FTO: variants seen among roughly 807,000 people sequenced by gnomAD.
FTO encodes the protein alpha-ketoglutarate-dependent dioxygenase FTO.
Under a neutral mutation model 63.9 loss-of-function variants are expected in FTO, and 47 were observed. The ratio of observed to expected loss-of-function variants is 0.74; its 90% CI spans 0.58 to 0.94. The LOEUF (loss-of-function observed/expected upper bound fraction) is 0.94, where lower values mean the gene tolerates loss of function less well. Ranked by LOEUF, FTO falls within the 40% of genes least tolerant of loss-of-function variation. FTO has a pLI of 0.00. For missense variants in FTO, 562 were observed against 618.1 expected, an observed-to-expected ratio of 0.91 and a Z score of 0.96; for synonymous variants, 207 against 224.4, an observed-to-expected ratio of 0.92 and a Z score of 0.69.
At position 53,873,854 on chromosome 16, in the gene FTO, C is replaced by G. The variant is rs200201735; in HGVS notation, c.964C>G (p.Arg322Gly). 1 of 1,611,602 alleles carries G rather than the reference C, an allele frequency of 6.2e-7. No homozygotes were observed. The highest frequency in any genetic ancestry group is 1.7e-5 in the Admixed American group (1 of 59,974). ...ACAACCTCGGTTTAGTTCCACCCAC[C>G]GAGTGGCAGAGGTAAGTGTAAATAA... is the stretch of plus-strand genomic sequence containing the variant. Reference protein sequence around the residue: ...GSQPRFSSTHRVAECSTGTLD... With the variant: ...GSQPRFSSTHGVAECSTGTLD... The change falls in exon 5 of 9, where the codon CGA becomes GGA. Residue 322 changes from arginine (R) to glycine (G), a missense_variant. Transcript: ENST00000471389.
chr16:53,944,759 C>G (rs2082616881), intron 8 of FTO, among the ~76,000 whole-genome samples: 2 of 152,016 alleles, frequency 1.3e-5, no homozygotes, highest in Admixed American at 6.6e-5. Context: ...TGTAAAACAC[C>G]CAGAGCAAGT....
chr16:53,777,931 G>T (rs1598632391), intron 1 of FTO, among the ~76,000 whole-genome samples: 1 of 152,064 alleles, frequency 6.6e-6, no homozygotes, highest in African/African-American at 2.4e-5. Context: ...GGCAAATTCA[G>T]CCCAGAACTC....
chr16:53,856,418 G>A (rs1196990790), intron 4 of FTO, among the ~76,000 whole-genome samples: 8 of 150,672 alleles, frequency 5.3e-5, no homozygotes, highest in Admixed American at 3.3e-4. Flanking sequence ...ACAGCCATCC[G>A]TGAAGGTGAT....
intron 8 of FTO, chr16:53,979,558 T>G: frequency 2.5e-6 from 1 of 394,720 alleles, no homozygotes; most frequent in East Asian, 3.6e-5. Flanking sequence ...TGTGTGTGTG[T>G]GTGTGTGTGC....
rs191731550 is a variant in FTO, at chr16:53,937,458, T to C, written c.1364+3349T>C. On this transcript the variant is annotated intron_variant, in intron 8 of 8. Coordinates refer to ENST00000471389, the MANE Select transcript of FTO (RefSeq NM_001080432.3). ...AGCCCAAAGGTCAGTCTGCAGCTAA[T>C]AAACTCTGAGGTTCTTAGGGTCTAC... The C allele has an allele frequency of 1.0e-5, 4 of 392,010 alleles. No homozygotes were observed. The Admixed American group carries it at 1.8e-4, about 17-fold the overall frequency. 24.3% of individuals were successfully genotyped at this position (392,010 alleles called of 1,614,324 possible).
chr16:53,884,918 GTGGAATGT>G (rs2080959275), intron 6 of FTO, among the ~76,000 whole-genome samples: 1 of 152,152 alleles, frequency 6.6e-6, no homozygotes. Context: ...TGTGTCACCC[GTGGAATGT>G]TCCTTGGCCC....
At position 54,055,147 on chromosome 16, in the gene FTO, A is replaced by G. The variant is rs143830352; in HGVS notation, c.1365-56615A>G. 2.0e-5 allele frequency among the ~76,000 whole-genome samples: 3 copies of G among 152,314 alleles called. No individual in the cohort carries two copies. In the East Asian group the frequency reaches 5.8e-4, roughly 29 times the overall value. On this transcript the variant is annotated intron_variant, in intron 8 of 8. Transcript: ENST00000471389. ...AAGTGGGCGACAGGGCCCAGGTTTG[A>G]TTCAGCCCTGCTTGCAATACTGGGT...
chr16:54,077,097 C>T (rs16952993), intron 8 of FTO, among the ~76,000 whole-genome samples: 13,655 of 152,140 alleles, frequency 0.09, 964 homozygotes, highest in African/African-American at 0.19. Context: ...TAAGACTGCC[C>T]TCAAAGAAAT....
chr16:53,880,774 C>G (rs1264308253), intron 6 of FTO, among the ~76,000 whole-genome samples: 1 of 151,882 alleles, frequency 6.6e-6, no homozygotes, highest in Non-Finnish European at 1.5e-5. Context: ...CTCTTAATGC[C>G]ATTGCCTCGG....
In FTO at chr16:54,119,444, C is replaced by T. The variant is rs1257255944; in HGVS notation, c.*7529C>T. The T allele has an allele frequency of 2.0e-5, 3 of 152,248 alleles. No homozygotes were observed. Among genetic ancestry groups the T allele is most frequent in the African/African-American group, 7.2e-5 (3 of 41,428 alleles). The allele number at this position is 152,248 out of a possible 1,614,324, so 9.4% of individuals were successfully genotyped here. On this transcript the variant is annotated 3_prime_UTR_variant, in exon 9 of 9. Coordinates refer to ENST00000471389, the MANE Select transcript of FTO (RefSeq NM_001080432.3). ...GCTGGTCACCTTCCTTCCCCCTGCC[C>T]CCAACTCTGCAGACAGAGGTTTCCC... is the stretch of plus-strand genomic sequence containing the variant.
chr16:53,864,677 G>A (rs2080259902), intron 4 of FTO, among the ~76,000 whole-genome samples: 1 of 152,068 alleles, frequency 6.6e-6, no homozygotes, highest in East Asian at 1.9e-4. Context: ...AGTTTCAGCT[G>A]TATTCTGAGA....
intron 1 of FTO, among the ~76,000 whole-genome samples, chr16:53,749,446 T>C (rs903513511): frequency 2.0e-5 from 3 of 151,716 alleles, no homozygotes; most frequent in Admixed American, 6.6e-5. Context: ...TTTTTCTTTT[T>C]TTTTTTTTTG....
chr16:54,028,725 C>T (rs1208204450), intron 8 of FTO, among the ~76,000 whole-genome samples: 1 of 151,966 alleles, frequency 6.6e-6, no homozygotes, highest in East Asian at 1.9e-4. Flanking sequence ...ACACTATATA[C>T]AGTATTTAAA....
At chr16:53,722,784 C>T (rs2076069797) in intron 1 of FTO, among the ~76,000 whole-genome samples, 1 of 151,052 alleles carries the variant, frequency 6.6e-6, no homozygotes, top group Non-Finnish European at 1.5e-5. Flanking sequence ...GCTGAGGTTG[C>T]ACCACTGCAC....
chr16:53,818,345 C>T (rs2078758612), intron 2 of FTO, among the ~76,000 whole-genome samples: 1 of 152,028 alleles, frequency 6.6e-6, no homozygotes, highest in Non-Finnish European at 1.5e-5. Flanking sequence ...TATTTGTTTT[C>T]ACTGTGGTAG....
intron 8 of FTO, among the ~76,000 whole-genome samples, chr16:53,997,395 A>T (rs143371649): frequency 0.014 from 2,182 of 152,194 alleles, 54 homozygotes; most frequent in African/African-American, 0.05. Context: ...GACACAGCCA[A>T]ACCGTATCAG....
intron 4 of FTO, among the ~76,000 whole-genome samples, chr16:53,857,487 G>A (rs969406540): frequency 6.7e-6 from 1 of 149,424 alleles, no homozygotes; most frequent in Non-Finnish European, 1.5e-5. Flanking sequence ...TATATAGGAA[G>A]TCCTGGATTC....
chr16:53,818,004 A>G (rs929811270), intron 2 of FTO, among the ~76,000 whole-genome samples: 6 of 152,254 alleles, frequency 3.9e-5, no homozygotes, highest in African/African-American at 9.6e-5. Context: ...ATTAAATGAA[A>G]AAAAGCCTAA....
chr16:54,042,075 A>G (rs1365285882), intron 8 of FTO, among the ~76,000 whole-genome samples: 1 of 152,200 alleles, frequency 6.6e-6, no homozygotes, highest in Non-Finnish European at 1.5e-5. Context: ...CAATGGTATC[A>G]GGAATAAAGA....
Sources: gnomAD v4.1 joint callset for allele counts (sites outside exome capture counted in the v4.1 genomes callset) on GRCh38, gnomAD v4.1.1 for gene constraint, MANE v1.5 for transcripts, NCBI Gene and HGNC (gene_info 2026-07-23, HGNC 2026-07-21) for gene names.